The following ARHGAP10 variants were observed in gnomAD, a reference collection of about 807,000 sequenced individuals.
ARHGAP10 encodes rho GTPase-activating protein 10.
Under a neutral mutation model 108.6 loss-of-function variants are expected in ARHGAP10, and 87 were observed. That is an observed-to-expected ratio of 0.80 (90% CI 0.67 to 0.96). ARHGAP10 has a LOEUF of 0.96. ARHGAP10 is among the 40% of genes least tolerant of loss of function. ARHGAP10 has a pLI of 0.00. For synonymous variants in ARHGAP10, 347 were observed against 341.1 expected (o/e 1.02, Z -0.19); for missense variants, 939 against 954.5 (o/e 0.98, Z 0.21).
intron 19 of ARHGAP10, among the ~76,000 whole-genome samples, chr4:148,026,169 A>T (rs1490279833): frequency 6.6e-6 from 1 of 152,118 alleles, no homozygotes; most frequent in Admixed American, 6.5e-5. Flanking sequence ...GTGGTATGTT[A>T]TTTCTTCTTC....
chr4:147,763,274 A>G (rs1386727374), intron 1 of ARHGAP10, among the ~76,000 whole-genome samples: 2 of 151,812 alleles, frequency 1.3e-5, no homozygotes, highest in East Asian at 3.9e-4. Flanking sequence ...GTTTGCTGGA[A>G]TTAATGATAA....
intron 7 of ARHGAP10, among the ~76,000 whole-genome samples, chr4:147,871,125 A>G (rs1025647965): frequency 5.9e-5 from 9 of 151,864 alleles, no homozygotes; most frequent in South Asian, 2.1e-4. Context: ...GTGCCCGGCT[A>G]ATTTTTGTAT....
At chr4:148,051,847 A>G (rs1278562250) in intron 20 of ARHGAP10, among the ~76,000 whole-genome samples, 5 of 152,180 alleles carry the variant, frequency 3.3e-5, no homozygotes, top group African/African-American at 1.2e-4. Flanking sequence ...GTCATCATAT[A>G]CTTTGTGTGC....
chr4:147,779,383 T>G (rs1730435423), intron 1 of ARHGAP10, among the ~76,000 whole-genome samples: 2 of 152,170 alleles, frequency 1.3e-5, no homozygotes, highest in Non-Finnish European at 2.9e-5. Flanking sequence ...GCACTCTCTT[T>G]AGGCAGTGGG....
At chr4:148,063,345 C>T in intron 21 of ARHGAP10, 45 bp downstream of exon 21, 1 of 1,610,496 alleles carries the variant, frequency 6.2e-7, no homozygotes. Context: ...GCAGCACACA[C>T]AGGGGGCTTG....
At chr4:147,772,710 T>G (rs966610956) in intron 1 of ARHGAP10, among the ~76,000 whole-genome samples, 2 of 152,270 alleles carry the variant, frequency 1.3e-5, no homozygotes, top group Non-Finnish European at 2.9e-5. Flanking sequence ...GGGGAAAATA[T>G]GTATTCTACA....
At chr4:147,965,199 G>A in intron 17 of ARHGAP10, 70 bp downstream of exon 17, 1 of 1,209,646 alleles carries the variant, frequency 8.3e-7, no homozygotes, top group Non-Finnish European at 1.1e-6. Flanking sequence ...TCTGGGATTT[G>A]TGACGGGTGG....
chr4:147,878,745 T>G (rs1010982764), intron 8 of ARHGAP10, among the ~76,000 whole-genome samples: 5 of 152,016 alleles, frequency 3.3e-5, no homozygotes, highest in African/African-American at 1.2e-4. Flanking sequence ...GAGGTTTGTT[T>G]CAAAGTATCT....
At chr4:147,964,329 C>G (rs1179305537) in intron 16 of ARHGAP10, among the ~76,000 whole-genome samples, 1 of 152,184 alleles carries the variant, frequency 6.6e-6, no homozygotes, top group African/African-American at 2.4e-5. Flanking sequence ...CCTGCCTTGC[C>G]CATTCCTTCC....
intron 7 of ARHGAP10, among the ~76,000 whole-genome samples, chr4:147,867,999 G>T (rs1455752272): frequency 1.3e-5 from 2 of 148,352 alleles, no homozygotes; most frequent in African/African-American, 5.0e-5. Flanking sequence ...TATAATTTAT[G>T]TGTCAACTTG....
At chr4:147,797,706 T>A (rs1041012414) in intron 1 of ARHGAP10, among the ~76,000 whole-genome samples, 2 of 152,188 alleles carry the variant, frequency 1.3e-5, no homozygotes, top group African/African-American at 2.4e-5. Flanking sequence ...CCGTTGCGCC[T>A]GGCCAGCCAA....
At position 147,815,712 on chromosome 4, in the gene ARHGAP10, C is replaced by G. The variant is rs547809088; in HGVS notation, c.155-7015C>G. The stretch of plus-strand genomic sequence containing the variant: ...TCTCTACAAAAAATAAAAAAATAGG[C>G]GATAGGCGTGGTGGTGGTGGTTTCA... On this transcript the variant is annotated intron_variant, in intron 1 of 22. Coordinates refer to ENST00000336498, the MANE Select transcript of ARHGAP10 (RefSeq NM_024605.4). 5.0e-4 allele frequency among the ~76,000 whole-genome samples: 38 copies of G among 75,454 alleles called. 2 individuals are homozygous for G. In the South Asian group the frequency reaches 0.017, roughly 35 times the overall value. 49.5% of individuals were successfully genotyped at this position (75,454 alleles called of 152,430 possible).
At chr4:147,853,975 A>G (rs1733984611) in intron 4 of ARHGAP10, among the ~76,000 whole-genome samples, 1 of 152,104 alleles carries the variant, frequency 6.6e-6, no homozygotes, top group Admixed American at 6.5e-5. Context: ...TTTTAAACCC[A>G]GTGATGTGTA....
At chr4:147,783,542 A>G (rs1003978994) in intron 1 of ARHGAP10, among the ~76,000 whole-genome samples, 1 of 145,192 alleles carries the variant, frequency 6.9e-6, no homozygotes, top group Non-Finnish European at 1.5e-5. Flanking sequence ...TATGTATTGT[A>G]TAATTTATAG....
At chr4:147,854,259 A>T (rs1323617338) in intron 4 of ARHGAP10, among the ~76,000 whole-genome samples, 1 of 152,222 alleles carries the variant, frequency 6.6e-6, no homozygotes, top group Non-Finnish European at 1.5e-5. Context: ...TGTTGCCACC[A>T]TAAAAATCAT....
At position 147,894,015 on chromosome 4, in the gene ARHGAP10, C is replaced by G. The variant is rs151257221; in HGVS notation, c.1034+12083C>G. Among the ~76,000 whole-genome samples, 514 of 152,162 alleles carry G rather than the reference C, an allele frequency of 3.4e-3. 5 individuals carry two copies. Among genetic ancestry groups the G allele is most frequent in the Admixed American group, 0.016 (248 of 15,286 alleles). ...TATGGATTTATTTTTAAATTGTATG[C>G]TGAAGGATACTGGAGCATGGGCCAT... On this transcript the variant is annotated intron_variant, in intron 10 of 22. Transcript: ENST00000336498.
At chr4:148,042,376 A>G (rs541907993) in intron 19 of ARHGAP10, among the ~76,000 whole-genome samples, 3 of 152,204 alleles carry the variant, frequency 2.0e-5, no homozygotes, top group African/African-American at 7.2e-5. Context: ...CCTTTACATT[A>G]GATACAAAGT....
At chr4:148,033,922 T>C (rs1206274118) in intron 19 of ARHGAP10, among the ~76,000 whole-genome samples, 3 of 152,196 alleles carry the variant, frequency 2.0e-5, no homozygotes, top group Admixed American at 1.3e-4. Context: ...TGGGGATCCC[T>C]ATTACTGGAA....
At chr4:147,952,703 A>G (rs930965166) in intron 15 of ARHGAP10, among the ~76,000 whole-genome samples, 1 of 151,934 alleles carries the variant, frequency 6.6e-6, no homozygotes, top group African/African-American at 2.4e-5. Flanking sequence ...TCATTCTGTG[A>G]CTTGTCTTTT....
Sources: allele counts gnomAD v4.1 joint callset (sites outside exome capture counted in the v4.1 genomes callset), GRCh38; gene constraint gnomAD v4.1.1; transcripts MANE v1.5; gene names NCBI Gene and HGNC (gene_info 2026-07-23, HGNC 2026-07-21).